GALK2: variants seen among roughly 807,000 people sequenced by gnomAD.
GALK2 encodes N-acetylgalactosamine kinase.
Under a neutral mutation model 52.4 loss-of-function variants are expected in GALK2, and 36 were observed. That is an observed-to-expected ratio of 0.69 (90% CI 0.53 to 0.91). The LOEUF (loss-of-function observed/expected upper bound fraction) is 0.91. GALK2 is among the 40% of genes least tolerant of loss of function. GALK2 has a pLI of 0.00. For missense variants in GALK2, 579 were observed against 559.1 expected (o/e 1.04, Z -0.36); for synonymous variants, 176 against 199.1 (o/e 0.88, Z 0.98).
chr15:49,199,206 A>C (rs930997387), intron 1 of GALK2: 1 of 152,022 alleles, frequency 6.6e-6, no homozygotes. Flanking sequence ...TTTTTGCTTA[A>C]TTTTTGTTTC....
chr15:49,235,180 T>C (rs1347159090), intron 3 of GALK2, among the ~76,000 whole-genome samples: 1 of 152,206 alleles, frequency 6.6e-6, no homozygotes, highest in Non-Finnish European at 1.5e-5. Context: ...GTTTATTAAG[T>C]TTAACAGTCC....
At chr15:49,258,872 T>G (rs1429376102) in intron 5 of GALK2, among the ~76,000 whole-genome samples, 2 of 147,388 alleles carry the variant, frequency 1.4e-5, no homozygotes, top group African/African-American at 2.5e-5. Context: ...CTCATTGTGG[T>G]TTTGATTTGC....
intron 5 of GALK2, among the ~76,000 whole-genome samples, chr15:49,253,685 C>T (rs2091701294): frequency 6.9e-6 from 1 of 144,244 alleles, no homozygotes; most frequent in South Asian, 2.3e-4. Context: ...CTTCTTAGAC[C>T]AGAGCCCTGC....
chr15:49,273,886 C>A (rs1292610705), intron 5 of GALK2, among the ~76,000 whole-genome samples: 1 of 152,112 alleles, frequency 6.6e-6, no homozygotes, highest in East Asian at 1.9e-4. Flanking sequence ...AGGGTTGTAA[C>A]AGAAAACAGA....
intron 8 of GALK2, among the ~76,000 whole-genome samples, chr15:49,303,150 T>C (rs1188755138): frequency 6.6e-6 from 1 of 152,094 alleles, no homozygotes; most frequent in Non-Finnish European, 1.5e-5. Flanking sequence ...CCTTGTTTCC[T>C]AGGGAAAAAA....
At chr15:49,228,731 T>C (rs1270904672) in intron 3 of GALK2, among the ~76,000 whole-genome samples, 1 of 127,508 alleles carries the variant, frequency 7.8e-6, no homozygotes, top group African/African-American at 3.0e-5. Flanking sequence ...TCTCAATCTG[T>C]TGCCCAGGCT....
At chr15:49,274,451 C>T (rs2031304166) in intron 5 of GALK2, among the ~76,000 whole-genome samples, 1 of 152,158 alleles carries the variant, frequency 6.6e-6, no homozygotes, top group South Asian at 2.1e-4. Context: ...CCTTGCAGGA[C>T]TGGCAGTTGC....
In GALK2 at chr15:49,283,626, G is replaced by C; in HGVS notation, c.664G>C (p.Val222Leu). ...ATDVKLPSGA[V>L]FVIANSCVEM... ...CGATGTAAAACTCCCAAGTGGAGCAGTGTTTGTGATTGCCAACAGTTGTGT... is the reference window on the plus strand; with the variant it reads ...CGATGTAAAACTCCCAAGTGGAGCACTGTTTGTGATTGCCAACAGTTGTGT... Residue 222 changes from valine to leucine, a missense_variant, in exon 7 of 10, where the codon GTG becomes CTG. Val to Leu is a conservative substitution (Grantham distance 32). Transcript: ENST00000560031. The C allele has an allele frequency of 6.2e-7, 1 of 1,614,038 alleles. No homozygotes were observed. The highest frequency in any genetic ancestry group is 8.5e-7 in the Non-Finnish European group (1 of 1,179,904).
chr15:49,220,529 T>C (rs189516340), intron 3 of GALK2, among the ~76,000 whole-genome samples: 12 of 152,340 alleles, frequency 7.9e-5, no homozygotes, highest in Admixed American at 3.9e-4. Flanking sequence ...TTGTGAATGG[T>C]ACTGGAATAA....
intron 3 of GALK2, among the ~76,000 whole-genome samples, chr15:49,228,440 CTG>C (rs1393161981): frequency 1.3e-5 from 2 of 150,666 alleles, no homozygotes; most frequent in African/African-American, 4.9e-5. Flanking sequence ...ATTTGTCTGA[CTG>C]TGTTATTTCA....
chr15:49,258,788 A>G (rs1029578880), intron 5 of GALK2, among the ~76,000 whole-genome samples: 1,406 of 113,374 alleles, frequency 0.012, 30 homozygotes, highest in African/African-American at 0.052. Flanking sequence ...ATATATATAT[A>G]TATATATGTG....
At chr15:49,214,335 T>G (rs2089195900) in intron 2 of GALK2, among the ~76,000 whole-genome samples, 1 of 146,618 alleles carries the variant, frequency 6.8e-6, no homozygotes, top group East Asian at 2.0e-4. Flanking sequence ...TTTGTCACTT[T>G]TTTTTTTTTT....
chr15:49,225,248 G>A (rs1248503254), intron 3 of GALK2: 2 of 455,834 alleles, frequency 4.4e-6, no homozygotes, highest in Non-Finnish European at 8.8e-6. Context: ...GCTATGACCT[G>A]CAGATAGGCC....
intron 8 of GALK2, among the ~76,000 whole-genome samples, chr15:49,309,236 T>C (rs2035792043): frequency 6.6e-6 from 1 of 152,222 alleles, no homozygotes; most frequent in Admixed American, 6.5e-5. Flanking sequence ...CACGTTCTAA[T>C]AGAGAATGGA....
intron 5 of GALK2, among the ~76,000 whole-genome samples, chr15:49,240,396 GATA>G (rs1250465830): frequency 6.6e-6 from 1 of 152,118 alleles, no homozygotes. Flanking sequence ...TTTTGTGCCA[GATA>G]ATGTTCAAGG....
At position 49,329,154 on chromosome 15, in the gene GALK2, G is replaced by A; in HGVS notation, c.*995G>A. ...ATATATGCACCCCATTGTAAAGCAG[G>A]TATGCAGGTATGTGGGTGAAAGTGA... On this transcript the variant is annotated 3_prime_UTR_variant, in exon 10 of 10. Coordinates refer to ENST00000560031, the MANE Select transcript of GALK2 (RefSeq NM_002044.4). 6 of 987,694 alleles carry A rather than the reference G, an allele frequency of 6.1e-6. No homozygotes were observed. Among genetic ancestry groups the A allele is most frequent in the Non-Finnish European group, 7.2e-6 (6 of 831,454 alleles). 61.2% of individuals were successfully genotyped at this position (987,694 alleles called of 1,614,324 possible).
intron 5 of GALK2, among the ~76,000 whole-genome samples, chr15:49,261,543 A>T (rs2092109912): frequency 6.6e-6 from 1 of 152,070 alleles, no homozygotes; most frequent in African/African-American, 2.4e-5. Flanking sequence ...TCTTTTCCTG[A>T]TTGAATACCC....
intron 2 of GALK2, among the ~76,000 whole-genome samples, chr15:49,207,789 T>G (rs913292672): frequency 6.6e-6 from 1 of 152,180 alleles, no homozygotes; most frequent in Non-Finnish European, 1.5e-5. Flanking sequence ...TTTCTTTTCT[T>G]TTTTTGAGAC....
At chr15:49,172,778 ACT>A (rs1312251039) in intron 1 of GALK2, among the ~76,000 whole-genome samples, 1 of 151,824 alleles carries the variant, frequency 6.6e-6, no homozygotes, top group African/African-American at 2.4e-5. Context: ...GTACCGTAAG[ACT>A]CTGAATTTCA....
Sources: gnomAD v4.1 joint callset for allele counts (sites outside exome capture counted in the v4.1 genomes callset) on GRCh38, gnomAD v4.1.1 for gene constraint, MANE v1.5 for transcripts, NCBI Gene and HGNC (gene_info 2026-07-23, HGNC 2026-07-21) for gene names.